The following COP1 variants were observed in gnomAD, a reference collection of about 807,000 sequenced individuals.
The protein encoded by COP1 is E3 ubiquitin-protein ligase COP1.
COP1 carries 24 observed loss-of-function variants against 101.3 expected under a neutral mutation model. That is an observed-to-expected ratio of 0.24 (90% CI 0.17 to 0.33). The LOEUF (loss-of-function observed/expected upper bound fraction) is 0.33, where lower values mean the gene tolerates loss of function less well. COP1 is among the 10% of genes least tolerant of loss of function. COP1 has a pLI of 1.00. For missense variants in COP1, 663 were observed against 906.2 expected, an observed-to-expected ratio of 0.73 and a Z score of 3.45; for synonymous variants, 347 against 341.9, an observed-to-expected ratio of 1.01 and a Z score of -0.17.
chr1:175,968,077 C>T (rs1652435009), intron 18 of COP1, among the ~76,000 whole-genome samples: 1 of 152,078 alleles, frequency 6.6e-6, no homozygotes, highest in South Asian at 2.1e-4. Flanking sequence ...TATGTTGGTG[C>T]CAGGCTGGTC....
rs144514866 is a variant in COP1, at chr1:176,191,049, C to G, written c.408-6357G>C. Among the ~76,000 whole-genome samples, 942 of 152,064 alleles carry G rather than the reference C, an allele frequency of 6.2e-3. 14 individuals are homozygous for G. Among genetic ancestry groups the G allele is most frequent in the African/African-American group, 0.021 (889 of 41,494 alleles). On this transcript the variant is annotated intron_variant, in intron 1 of 19. Transcript: ENST00000367669. ...ACTTTCGTGTTTTGATACCAAATGCCAAACACTAGCAAATAACCACCTGAT... is the reference window on the plus strand; with the variant it reads ...ACTTTCGTGTTTTGATACCAAATGCGAAACACTAGCAAATAACCACCTGAT...
chr1:176,107,044 A>G (rs1360054193), intron 9 of COP1, among the ~76,000 whole-genome samples: 2 of 152,220 alleles, frequency 1.3e-5, no homozygotes, highest in Non-Finnish European at 2.9e-5. Flanking sequence ...CCCTTTCAAT[A>G]AATACACTAC....
intron 15 of COP1, among the ~76,000 whole-genome samples, chr1:176,026,482 T>C (rs1411327526): frequency 6.6e-6 from 1 of 152,108 alleles, no homozygotes; most frequent in Non-Finnish European, 1.5e-5. Flanking sequence ...CAAGGTCACA[T>C]TTCTAATTTG....
intron 19 of COP1, among the ~76,000 whole-genome samples, chr1:175,946,941 C>T (rs942263277): frequency 6.6e-6 from 1 of 152,214 alleles, no homozygotes; most frequent in South Asian, 2.1e-4. Flanking sequence ...TGAATGTTCA[C>T]TAGTCTTTAT....
chr1:176,072,233 C>A (rs1677129157), intron 11 of COP1, among the ~76,000 whole-genome samples: 1 of 152,168 alleles, frequency 6.6e-6, no homozygotes, highest in South Asian at 2.1e-4. Context: ...TATTTTTCAA[C>A]AAGCAAATAT....
intron 15 of COP1, among the ~76,000 whole-genome samples, chr1:176,021,227 A>T (rs1666710177): frequency 6.6e-6 from 1 of 152,242 alleles, no homozygotes; most frequent in African/African-American, 2.4e-5. Flanking sequence ...TTTAGGTAAC[A>T]TTTAGAGGCA....
chr1:175,945,209 T>G, intron 19 of COP1, 39 bp from the exon 20 acceptor site: 1 of 1,444,974 alleles, frequency 6.9e-7, no homozygotes, highest in Non-Finnish European at 9.6e-7. Flanking sequence ...AATAAAATCA[T>G]TTAAGATATA....
At chr1:175,992,162 A>C (rs1008241765) in intron 15 of COP1, among the ~76,000 whole-genome samples, 2 of 152,186 alleles carry the variant, frequency 1.3e-5, no homozygotes, top group Non-Finnish European at 2.9e-5. Flanking sequence ...AATGCATAAT[A>C]ATCACATCAT....
chr1:175,976,519 C>A (rs1382818332), intron 18 of COP1, among the ~76,000 whole-genome samples: 3 of 151,906 alleles, frequency 2.0e-5, no homozygotes, highest in African/African-American at 7.3e-5. Context: ...CTCAAGTGAT[C>A]CTCCCACCTC....
chr1:176,192,966 T>C (rs2102164329), intron 1 of COP1, among the ~76,000 whole-genome samples: 1 of 152,326 alleles, frequency 6.6e-6, no homozygotes, highest in South Asian at 2.1e-4. Flanking sequence ...ACTAGTCTTC[T>C]ATTCTTGAAA....
intron 8 of COP1, among the ~76,000 whole-genome samples, chr1:176,128,621 T>C (rs1457365898): frequency 6.6e-6 from 1 of 152,018 alleles, no homozygotes; most frequent in Non-Finnish European, 1.5e-5. Flanking sequence ...AATTTAAGTG[T>C]ACTTGAGACT....
chr1:176,085,503 T>A (rs1435474339), intron 10 of COP1, among the ~76,000 whole-genome samples: 1 of 152,182 alleles, frequency 6.6e-6, no homozygotes, highest in East Asian at 1.9e-4. Flanking sequence ...TGAAACTTAT[T>A]TTTGTTGGCT....
intron 14 of COP1, among the ~76,000 whole-genome samples, chr1:176,039,628 C>T (rs978891829): frequency 5.3e-5 from 8 of 151,522 alleles, no homozygotes; most frequent in Admixed American, 6.6e-5. Flanking sequence ...CAAGAGATCC[C>T]AAATAACTGA....
At chr1:176,100,284 G>C (rs1193185304) in intron 9 of COP1, 1 of 219,248 alleles carries the variant, frequency 4.6e-6, no homozygotes, top group Non-Finnish European at 9.6e-6. Flanking sequence ...AGCTACTTGG[G>C]AGGGTGAGGC....
At chr1:176,057,751 T>C (rs1371184543) in intron 11 of COP1, among the ~76,000 whole-genome samples, 1 of 150,982 alleles carries the variant, frequency 6.6e-6, no homozygotes, top group Non-Finnish European at 1.5e-5. Context: ...TCTGCCCGGC[T>C]GCCACCCCAT....
chr1:176,205,834 T>G (rs1164627219), intron 1 of COP1, among the ~76,000 whole-genome samples: 4 of 152,220 alleles, frequency 2.6e-5, no homozygotes, highest in African/African-American at 9.6e-5. Flanking sequence ...TCCAGTATAC[T>G]CTGTTATCCA....
intron 18 of COP1, chr1:175,968,635 G>A: frequency 5.0e-6 from 2 of 400,932 alleles, no homozygotes; most frequent in African/African-American, 2.1e-5. Flanking sequence ...ATATACTTCA[G>A]GATTCAGATA....
intron 15 of COP1, among the ~76,000 whole-genome samples, chr1:176,019,786 G>A (rs1666402373): frequency 1.3e-5 from 2 of 151,224 alleles, no homozygotes; most frequent in Admixed American, 6.6e-5. Context: ...ACTTGAGCCT[G>A]GAAGGCAGAG....
At position 175,975,478 on chromosome 1, in the gene COP1, C is replaced by T. The variant is rs183515773; in HGVS notation, c.2133+11465G>A. Reference sequence around the variant, plus strand: ...AGGCTGGAGTGCAGTGCCACGATCTCGGCTCACTGCAATCTCTGCCTCCTG... The same window carrying T: ...AGGCTGGAGTGCAGTGCCACGATCTTGGCTCACTGCAATCTCTGCCTCCTG... On this transcript the variant is annotated intron_variant, in intron 18 of 19. Transcript: ENST00000367669. 7.8e-4 allele frequency among the ~76,000 whole-genome samples: 119 copies of T among 152,278 alleles called. No homozygotes were observed. The Middle Eastern group carries it at 0.01, about 13-fold the overall frequency.
Sources: allele counts gnomAD v4.1 joint callset (sites outside exome capture counted in the v4.1 genomes callset), GRCh38; gene constraint gnomAD v4.1.1; transcripts MANE v1.5; gene names NCBI Gene and HGNC (gene_info 2026-07-23, HGNC 2026-07-21).